Variants in DPYD observed in about 807,000 individuals in gnomAD.
DPYD encodes the protein dihydropyrimidine dehydrogenase [NADP(+)].
DPYD carries 109 observed loss-of-function variants against 116.2 expected under a neutral mutation model. That is an observed-to-expected ratio of 0.94 (90% CI 0.80 to 1.10). The LOEUF (loss-of-function observed/expected upper bound fraction) is 1.10, where lower values mean the gene tolerates loss of function less well. Ranked by LOEUF, DPYD falls within the 50% of genes least tolerant of loss-of-function variation. DPYD has a pLI of 0.00. For missense variants in DPYD, 1,302 were observed against 1,254.5 expected, an observed-to-expected ratio of 1.04 and a Z score of -0.57; for synonymous variants, 440 against 432.0, an observed-to-expected ratio of 1.02 and a Z score of -0.23.
chr1:97,293,310 T>C (rs939041403), intron 18 of DPYD, among the ~76,000 whole-genome samples: 5 of 152,188 alleles, frequency 3.3e-5, no homozygotes, highest in Non-Finnish European at 5.9e-5. Context: ...AATAAATTAA[T>C]ACAGAATGAG....
chr1:97,160,757 C>T (rs1278865859), intron 20 of DPYD, among the ~76,000 whole-genome samples: 4 of 152,126 alleles, frequency 2.6e-5, no homozygotes, highest in African/African-American at 9.7e-5. Flanking sequence ...CCACAAGAGA[C>T]TGTACTATGA....
chr1:97,501,599 T>G (rs1679587934), intron 13 of DPYD, among the ~76,000 whole-genome samples: 1 of 151,968 alleles, frequency 6.6e-6, no homozygotes, highest in Admixed American at 6.6e-5. Context: ...TAGTCCTAGC[T>G]ACTTGGGAGG....
At chr1:97,385,301 AAAAAAAAAAAAAAAAAAGAG>A (rs1672267441) in intron 14 of DPYD, among the ~76,000 whole-genome samples, 1 of 120,408 alleles carries the variant, frequency 8.3e-6, no homozygotes, top group Non-Finnish European at 2.0e-5. Flanking sequence ...AAAAAAAAAA[AAAAAAAAAAAAAAAAAAGAG>A]AGAGAGAGAT....
At chr1:97,112,799 G>C (rs1444440200) in intron 20 of DPYD, among the ~76,000 whole-genome samples, 2 of 152,108 alleles carry the variant, frequency 1.3e-5, no homozygotes, top group Non-Finnish European at 2.9e-5. Flanking sequence ...GGACAAGTAA[G>C]AAAAGGACTT....
chr1:97,650,847 TACAC>T (rs552228084), intron 8 of DPYD, among the ~76,000 whole-genome samples: 1 of 149,350 alleles, frequency 6.7e-6, no homozygotes, highest in Non-Finnish European at 1.5e-5. Flanking sequence ...AAGGTGTGTA[TACAC>T]ACACACACAC....
At chr1:97,522,331 A>G (rs1219209308) in intron 12 of DPYD, among the ~76,000 whole-genome samples, 1 of 152,210 alleles carries the variant, frequency 6.6e-6, no homozygotes, top group Non-Finnish European at 1.5e-5. Flanking sequence ...CTGTCATCAT[A>G]GTCGGCTGTA....
intron 1 of DPYD, among the ~76,000 whole-genome samples, chr1:97,910,684 T>C (rs1201298673): frequency 2.0e-5 from 3 of 152,086 alleles, no homozygotes; most frequent in Non-Finnish European, 4.4e-5. Context: ...ATCTATGCTG[T>C]CCTTCCACTA....
intron 7 of DPYD, 49 bp downstream of exon 7, chr1:97,691,668 T>C (rs1035944700): frequency 6.2e-6 from 9 of 1,455,706 alleles, no homozygotes; most frequent in Admixed American, 1.7e-5. Flanking sequence ...GTGTAGAGCT[T>C]ACTCCTTTCT....
At chr1:97,912,986 C>T (rs1196137382) in intron 1 of DPYD, among the ~76,000 whole-genome samples, 1 of 152,100 alleles carries the variant, frequency 6.6e-6, no homozygotes, top group African/African-American at 2.4e-5. Flanking sequence ...CATCAATCAA[C>T]AAACACACTG....
At chr1:97,914,403 A>C (rs1674118764) in intron 1 of DPYD, among the ~76,000 whole-genome samples, 1 of 152,186 alleles carries the variant, frequency 6.6e-6, no homozygotes, top group South Asian at 2.1e-4. Flanking sequence ...TGGAAATACA[A>C]GGGTTTGTTT....
chr1:97,867,495 C>G (rs1671444213), intron 2 of DPYD, among the ~76,000 whole-genome samples: 1 of 151,746 alleles, frequency 6.6e-6, no homozygotes, highest in African/African-American at 2.4e-5. Flanking sequence ...AAACCAAACT[C>G]AACAGCACAT....
intron 21 of DPYD, among the ~76,000 whole-genome samples, chr1:97,088,407 T>C (rs1411241971): frequency 1.3e-5 from 2 of 152,226 alleles, no homozygotes; most frequent in African/African-American, 4.8e-5. Context: ...TCATTACTTG[T>C]CTCTCTTTTG....
At chr1:97,475,542 G>A (rs555227645) in intron 13 of DPYD, among the ~76,000 whole-genome samples, 39 of 152,260 alleles carry the variant, frequency 2.6e-4, no homozygotes, top group Non-Finnish European at 1.3e-4. Context: ...AAGGATTAAC[G>A]GCTGAGTTGT....
At chr1:97,449,312 G>T (rs1240938541) in intron 14 of DPYD, among the ~76,000 whole-genome samples, 2 of 151,884 alleles carry the variant, frequency 1.3e-5, no homozygotes, top group South Asian at 4.1e-4. Context: ...AAGAATGAAA[G>T]AAAGAGAAAT....
At position 97,149,621 on chromosome 1, in the gene DPYD, AG is replaced by A. The variant is rs1337265152; in HGVS notation, c.2622+43447del. Among the ~76,000 whole-genome samples, 3 of 152,342 alleles carry A rather than the reference AG, an allele frequency of 2.0e-5. No individual in the cohort carries two copies. The East Asian group carries it at 5.8e-4, about 29-fold the overall frequency. On this transcript the variant is annotated intron_variant, in intron 20 of 22. Coordinates refer to ENST00000370192, the MANE Select transcript of DPYD (RefSeq NM_000110.4). Reference sequence around the variant, plus strand: ...CATCATCTTGCAACTCGATTTCTATAGTAGACAGTATTAGCTACATAATTTG... The same window carrying A: ...CATCATCTTGCAACTCGATTTCTATATAGACAGTATTAGCTACATAATTTG...
chr1:97,191,717 A>T (rs1035477293), intron 20 of DPYD, among the ~76,000 whole-genome samples: 1 of 152,162 alleles, frequency 6.6e-6, no homozygotes, highest in Non-Finnish European at 1.5e-5. Flanking sequence ...AATTTGAGAC[A>T]ATGATTTTAT....
intron 3 of DPYD, among the ~76,000 whole-genome samples, chr1:97,754,376 A>T (rs535508599): frequency 6.6e-6 from 1 of 152,122 alleles, no homozygotes; most frequent in African/African-American, 2.4e-5. Context: ...GAAAATAAAA[A>T]AGCTAAGGGC....
At chr1:97,452,776 C>T (rs1291589435) in intron 13 of DPYD, among the ~76,000 whole-genome samples, 1 of 152,026 alleles carries the variant, frequency 6.6e-6, no homozygotes, top group Admixed American at 6.6e-5. Flanking sequence ...TGTGACTGCT[C>T]CCCCTTCCCC....
chr1:97,156,050 T>C (rs11165794), intron 20 of DPYD, among the ~76,000 whole-genome samples: 27,124 of 152,140 alleles, frequency 0.18, 2,466 homozygotes, highest in East Asian at 0.29. Context: ...GTGAGTAGCA[T>C]TGATCTAGAT....
Sources: allele counts gnomAD v4.1 joint callset (sites outside exome capture counted in the v4.1 genomes callset), GRCh38; gene constraint gnomAD v4.1.1; transcripts MANE v1.5; gene names NCBI Gene and HGNC (gene_info 2026-07-23, HGNC 2026-07-21).